Variants in DOCK1 observed in about 807,000 individuals in gnomAD.
DOCK1 encodes the protein dedicator of cytokinesis 1.
DOCK1 carries 138 observed loss-of-function variants against 262.7 expected under a neutral mutation model. That is an observed-to-expected ratio of 0.53 (90% CI 0.46 to 0.61). The LOEUF (loss-of-function observed/expected upper bound fraction) is 0.61, where lower values mean the gene tolerates loss of function less well. Ranked by LOEUF, DOCK1 falls within the 20% of genes least tolerant of loss-of-function variation. DOCK1 has a pLI of 0.00. For synonymous variants in DOCK1, 866 were observed against 867.4 expected (o/e 1.00, Z 0.03); for missense variants, 1,908 against 2,370.7 (o/e 0.80, Z 4.05).
Position 127,392,090 on chromosome 10 carries a change from C to T in DOCK1, c.3927+7181C>T, listed in dbSNP as rs147936525. ...GCCCTTGCACCTTCCCATGGTCTGC[C>T]CCGGCGTGGACCGGCTGCTTCTTGC... On this transcript the variant is annotated intron_variant, in intron 38 of 51. Transcript: ENST00000623213. Among the ~76,000 whole-genome samples the T allele has an allele frequency of 2.0e-3, 282 of 141,810 alleles. 4 individuals are homozygous for T. The highest frequency in any genetic ancestry group is 7.1e-3 in the African/African-American group (270 of 37,894). 93.0% of individuals were successfully genotyped at this position (141,810 alleles called of 152,430 possible). A position where few individuals can be genotyped will look rare whatever the true frequency, so the allele number is the denominator to read the frequency against.
intron 29 of DOCK1, among the ~76,000 whole-genome samples, chr10:127,293,526 G>A (rs1325556673): frequency 6.6e-6 from 1 of 152,168 alleles, no homozygotes; most frequent in Non-Finnish European, 1.5e-5. Context: ...CGAGCACTGT[G>A]ATGGCTTTGC....
At chr10:126,939,252 T>C (rs1237343351) in intron 1 of DOCK1, among the ~76,000 whole-genome samples, 1 of 152,168 alleles carries the variant, frequency 6.6e-6, no homozygotes, top group Non-Finnish European at 1.5e-5. Flanking sequence ...TAGTCACCCC[T>C]CAAAGTCCCA....
chr10:127,372,212 C>T (rs970757725), intron 33 of DOCK1, among the ~76,000 whole-genome samples: 32 of 152,176 alleles, frequency 2.1e-4, no homozygotes, highest in African/African-American at 7.2e-4. Context: ...TGGCTTTGGG[C>T]AGTGTGTACT....
intron 29 of DOCK1, among the ~76,000 whole-genome samples, chr10:127,296,269 C>G (rs1251284130): frequency 1.3e-5 from 2 of 152,218 alleles, no homozygotes; most frequent in Non-Finnish European, 2.9e-5. Flanking sequence ...ATCACAGTTA[C>G]TCACAAGGGA....
chr10:127,136,655 CAA>C (rs1055248274), intron 27 of DOCK1: 49 of 152,714 alleles, frequency 3.2e-4, no homozygotes, highest in African/African-American at 1.2e-3. Flanking sequence ...AATGTGTAAT[CAA>C]GAGAGAACTC....
chr10:127,037,654 T>C lies in DOCK1; in HGVS notation c.1913-65T>C, dbSNP rs1003327235. On this transcript the variant is annotated intron_variant, in intron 18 of 51. Coordinates refer to ENST00000623213, the MANE Select transcript of DOCK1 (RefSeq NM_001290223.2). ...TTTATAGAGAACCTCACATAATGCATGATTAACAGAGACAGAACAGAGTTT... is the reference window on the plus strand; with the variant it reads ...TTTATAGAGAACCTCACATAATGCACGATTAACAGAGACAGAACAGAGTTT... 1.9e-5 allele frequency: 27 copies of C among 1,391,776 alleles called. 1 individual carries two copies. The South Asian group carries it at 2.7e-4, about 14-fold the overall frequency. 86.2% of individuals were successfully genotyped at this position (1,391,776 alleles called of 1,614,324 possible).
At chr10:127,081,811 C>CA (rs1315561554) in intron 23 of DOCK1, among the ~76,000 whole-genome samples, 1 of 152,022 alleles carries the variant, frequency 6.6e-6, no homozygotes, top group African/African-American at 2.4e-5. Context: ...TTTATATGAA[C>CA]AAAAAAATAG....
intron 51 of DOCK1, among the ~76,000 whole-genome samples, chr10:127,450,015 C>T (rs2070852682): frequency 6.6e-6 from 1 of 152,214 alleles, no homozygotes; most frequent in Admixed American, 6.5e-5. Context: ...ATTGGCCTAT[C>T]AGTGAGTGTG....
chr10:127,435,366 C>T (rs971713904), intron 48 of DOCK1, among the ~76,000 whole-genome samples: 2 of 152,160 alleles, frequency 1.3e-5, no homozygotes, highest in African/African-American at 2.4e-5. Context: ...CCCCAAGGGA[C>T]GGCTCAACTC....
At chr10:127,428,954 G>A (rs1229445816) in intron 47 of DOCK1, among the ~76,000 whole-genome samples, 3 of 114,066 alleles carry the variant, frequency 2.6e-5, no homozygotes, top group South Asian at 3.1e-4. Context: ...GGATTGGGGT[G>A]CTGTGTGGAT....
intron 1 of DOCK1, among the ~76,000 whole-genome samples, chr10:126,910,480 C>T (rs926526204): frequency 6.6e-6 from 1 of 152,244 alleles, no homozygotes; most frequent in African/African-American, 2.4e-5. Flanking sequence ...CCCTCCCTCC[C>T]TTTTCCCTTC....
chr10:127,373,180 T>A (rs2065299841), intron 33 of DOCK1, among the ~76,000 whole-genome samples: 1 of 152,186 alleles, frequency 6.6e-6, no homozygotes, highest in Non-Finnish European at 1.5e-5. Context: ...CCCAGGAAAT[T>A]TAATCAGAAG....
At chr10:127,018,173 C>G (rs1454186034) in intron 12 of DOCK1, among the ~76,000 whole-genome samples, 1 of 152,192 alleles carries the variant, frequency 6.6e-6, no homozygotes, top group African/African-American at 2.4e-5. Flanking sequence ...CTGCACCTGT[C>G]CTGGCTGCGG....
At chr10:126,950,134 A>G (rs1208473363) in intron 1 of DOCK1, among the ~76,000 whole-genome samples, 1 of 152,100 alleles carries the variant, frequency 6.6e-6, no homozygotes, top group Admixed American at 6.6e-5. Context: ...GAAATTAGAT[A>G]AATTAGGTAG....
intron 27 of DOCK1, among the ~76,000 whole-genome samples, chr10:127,227,249 T>C (rs1393316249): frequency 6.6e-6 from 1 of 152,162 alleles, no homozygotes; most frequent in Non-Finnish European, 1.5e-5. Flanking sequence ...TTTAGGGCCA[T>C]GGCAGCACAA....
intron 16 of DOCK1, 26 bp from the exon 17 acceptor site, chr10:127,031,624 C>T: frequency 6.4e-7 from 1 of 1,553,640 alleles, no homozygotes; most frequent in South Asian, 1.1e-5. Flanking sequence ...AAGCAATCAT[C>T]AATTTTTTTG....
chr10:126,942,210 A>C (rs1187539357), intron 1 of DOCK1, among the ~76,000 whole-genome samples: 3 of 152,108 alleles, frequency 2.0e-5, no homozygotes, highest in Non-Finnish European at 4.4e-5. Flanking sequence ...CTTTTAGTAG[A>C]GACAGGGTTT....
In DOCK1 at chr10:127,288,762, A is replaced by G. The variant is rs1003950437; in HGVS notation, c.3044+31333A>G. Among the ~76,000 whole-genome samples the G allele has an allele frequency of 1.6e-4, 21 of 131,626 alleles. 1 individual carries two copies. Among genetic ancestry groups the G allele is most frequent in the Non-Finnish European group, 4.7e-5 (3 of 63,760 alleles). The allele number at this position is 131,626 out of a possible 152,430, so 86.4% of individuals were successfully genotyped here. On this transcript the variant is annotated intron_variant, in intron 29 of 51. Coordinates refer to ENST00000623213, the MANE Select transcript of DOCK1 (RefSeq NM_001290223.2). The stretch of plus-strand genomic sequence containing the variant: ...TAGAATACATAGTATATACTATACT[A>G]TGTATATATTTCACACACACACACA...
At chr10:126,906,075 G>C (rs9423008) in intron 1 of DOCK1, among the ~76,000 whole-genome samples, 150,940 of 152,246 alleles carry the variant, frequency 0.99, 74,846 homozygotes, top group East Asian at 1. Context: ...CGGGGAGGAG[G>C]GGGCGCGACC....
Sources: gnomAD v4.1 joint callset for allele counts (sites outside exome capture counted in the v4.1 genomes callset) on GRCh38, gnomAD v4.1.1 for gene constraint, MANE v1.5 for transcripts, NCBI Gene and HGNC (gene_info 2026-07-23, HGNC 2026-07-21) for gene names.